Variants in CIT observed in about 807,000 individuals in gnomAD.
The protein encoded by CIT is citron Rho-interacting kinase.
CIT carries 79 observed loss-of-function variants against 272.7 expected under a neutral mutation model. That is an observed-to-expected ratio of 0.29 (90% CI 0.24 to 0.35). CIT has a LOEUF of 0.35. CIT is among the 10% of genes least tolerant of loss of function. The pLI is 1.00. For synonymous variants in CIT, 948 were observed against 995.6 expected (o/e 0.95, Z 0.90); for missense variants, 1,909 against 2,618.3 (o/e 0.73, Z 5.91).
chr12:119,874,382 C>T (rs1356853343), intron 2 of CIT, among the ~76,000 whole-genome samples: 2 of 152,102 alleles, frequency 1.3e-5, no homozygotes, highest in East Asian at 3.9e-4. Context: ...AGCAAATGGA[C>T]TCAGAAAAGG....
At chr12:119,849,366 G>T (rs913063463) in intron 5 of CIT, among the ~76,000 whole-genome samples, 1 of 151,946 alleles carries the variant, frequency 6.6e-6, no homozygotes, top group African/African-American at 2.4e-5. Flanking sequence ...GGTGGAGATT[G>T]CAGTGAGCCG....
At chr12:119,693,722 G>C (rs917246811) in intron 46 of CIT, among the ~76,000 whole-genome samples, 1 of 152,186 alleles carries the variant, frequency 6.6e-6, no homozygotes, top group African/African-American at 2.4e-5. Context: ...TGGTTTTTCA[G>C]CAAGTTCCTC....
chr12:119,868,806 G>A (rs1320217505), intron 3 of CIT, among the ~76,000 whole-genome samples: 2 of 152,226 alleles, frequency 1.3e-5, no homozygotes, highest in African/African-American at 4.8e-5. Flanking sequence ...CCAAAGGGCT[G>A]AGATTATAGG....
chr12:119,758,121 A>G (rs974432066), intron 21 of CIT, among the ~76,000 whole-genome samples: 1 of 152,152 alleles, frequency 6.6e-6, no homozygotes, highest in Non-Finnish European at 1.5e-5. Context: ...TAAGGGGGAA[A>G]AAAATCCTGG....
chr12:119,862,473 C>T (rs904840165), intron 3 of CIT, among the ~76,000 whole-genome samples: 164 of 151,978 alleles, frequency 1.1e-3, no homozygotes, highest in African/African-American at 3.9e-3. Flanking sequence ...GTGCCCCTCG[C>T]CCCTACAAAA....
At position 119,746,649 on chromosome 12, in the gene CIT, A is replaced by T. The variant is rs2137364546; in HGVS notation, c.2905-4185T>A. ...CTCTCCCACTGGAGTCTGAAATTTC[A>T]GTCATTAATACTGATCCATTTCCAT... On this transcript the variant is annotated intron_variant, in intron 23 of 47. Transcript: ENST00000392521. 1.3e-5 allele frequency among the ~76,000 whole-genome samples: 2 copies of T among 152,358 alleles called. 1 individual carries two copies. Among genetic ancestry groups the T allele is most frequent in the South Asian group, 4.1e-4 (2 of 4,830 alleles).
Position 119,861,775 on chromosome 12 carries a change from C to CA in CIT, c.239-4078dup, listed in dbSNP as rs1336077436. ...CCACAGAAATACTTGCACATGTGCT[C>CA]AAAAAAGATGCATACAAAGATGTGA... On this transcript the variant is annotated intron_variant, in intron 3 of 47. Coordinates refer to ENST00000392521, the MANE Select transcript of CIT (RefSeq NM_001206999.2). Among the ~76,000 whole-genome samples the CA allele has an allele frequency of 7.2e-5, 11 of 151,962 alleles. No homozygotes were observed. The East Asian group carries it at 2.1e-3, about 29-fold the overall frequency.
rs976533738 is a variant in CIT, at chr12:119,710,980, A to G, written c.4855-360T>C. The G allele has an allele frequency of 3.2e-6, 4 of 1,266,948 alleles. No homozygotes were observed. The highest frequency in any genetic ancestry group is 4.3e-6 in the Non-Finnish European group (4 of 932,102). 78.5% of individuals were successfully genotyped at this position (1,266,948 alleles called of 1,614,324 possible). ...AGACACATGAAAGACTCCTTCCCCCATAAGGCTGCAGCAGAAGTGCAAAGG... is the reference window on the plus strand; with the variant it reads ...AGACACATGAAAGACTCCTTCCCCCGTAAGGCTGCAGCAGAAGTGCAAAGG... On this transcript the variant is annotated intron_variant, in intron 37 of 47. Transcript: ENST00000392521. This position sits in a 1 kb window ranked among gnomAD's most constrained non-coding sequence, Gnocchi z 5.6.
At position 119,718,873 on chromosome 12, in the gene CIT, A is replaced by G. The variant is rs776368020; in HGVS notation, c.3841-12T>C. 1.9e-6 allele frequency: 3 copies of G among 1,613,738 alleles called. No homozygotes were observed. The South Asian group carries it at 3.3e-5, about 18-fold the overall frequency. ...CGACTAAATAAACCCTAGCAATGGA[A>G]ACAGAGATATCTCCTAACTCCTGGA... On this transcript the variant is annotated splice_polypyrimidine_tract_variant and intron_variant, in intron 30 of 47. Transcript: ENST00000392521. The surrounding 1 kb of genome is among the most constrained non-coding windows in gnomAD (Gnocchi z 4.8).
intron 40 of CIT, 55 bp from the exon 41 acceptor site, chr12:119,704,510 G>A: frequency 6.7e-7 from 1 of 1,498,026 alleles, no homozygotes; most frequent in South Asian, 1.1e-5. Flanking sequence ...ACCGGCTGTG[G>A]GGCAAAACTA....
chr12:119,690,388 T>C lies in CIT; in HGVS notation c.5949A>G (p.Pro1983=). 1 of 1,597,154 alleles carries C rather than the reference T, an allele frequency of 6.3e-7. No homozygotes were observed. Among genetic ancestry groups the C allele is most frequent in the Non-Finnish European group, 8.5e-7 (1 of 1,177,760 alleles). Residue 1983 remains proline (P), a synonymous_variant, in exon 47 of 48, where the codon CCA becomes CCG. Transcript: ENST00000392521. The surrounding 1 kb of genome is among the most constrained non-coding windows in gnomAD (Gnocchi z 6.0). ...EHITKRVASS[P]APPEGPSHPR... ...GGTGGCTGGGGCCTTCGGGCGGCGC[T>C]GGGCTGGAGGCCACGCGCTTGGTGA... is the stretch of plus-strand genomic sequence containing the variant.
intron 41 of CIT, among the ~76,000 whole-genome samples, chr12:119,702,699 G>GA (rs1246974026): frequency 6.6e-6 from 1 of 150,776 alleles, no homozygotes; most frequent in Non-Finnish European, 1.5e-5. Context: ...AAAAAAAAAA[G>GA]AAAGAAAAGA....
At chr12:119,855,321 G>A (rs930111086) in intron 4 of CIT, among the ~76,000 whole-genome samples, 36 of 152,104 alleles carry the variant, frequency 2.4e-4, no homozygotes, top group African/African-American at 7.7e-4. Context: ...TACTCGGGAG[G>A]CTGAGATAGG....
intron 10 of CIT, among the ~76,000 whole-genome samples, chr12:119,791,056 C>T (rs1406205981): frequency 3.9e-5 from 6 of 152,208 alleles, no homozygotes; most frequent in African/African-American, 1.4e-4. Flanking sequence ...TAAGGAGGGG[C>T]TTGCCCTATA....
Position 119,857,580 on chromosome 12 carries a change from G to A in CIT, c.357C>T (p.Thr119=), listed in dbSNP as rs529331889. 4.3e-5 allele frequency: 69 copies of A among 1,614,076 alleles called. 1 individual carries two copies. The highest frequency in any genetic ancestry group is 3.8e-4 in the South Asian group (35 of 91,078). ...AEVQVVREKA[T]GDIYAMKVMK... The stretch of plus-strand genomic sequence containing the variant: ...TCACTTTCATAGCATAGATGTCCCC[G>A]GTTGCTTTCTCTCTTACCACCTGCA... Residue 119 remains threonine (T), a synonymous_variant, in exon 4 of 48, where the codon ACC becomes ACT. Coordinates refer to ENST00000392521, the MANE Select transcript of CIT (RefSeq NM_001206999.2).
At chr12:119,814,537 T>C (rs1330401402) in intron 9 of CIT, among the ~76,000 whole-genome samples, 2 of 152,100 alleles carry the variant, frequency 1.3e-5, no homozygotes, top group Admixed American at 1.3e-4. Flanking sequence ...ACCCAACTCC[T>C]CTTCCTCACT....
rs538631624 is a variant in CIT, at chr12:119,785,122, T to C, written c.1296-57A>G. ...CTGCAGGTGGGCCTAAGAAGCTGCA[T>C]TAGGAAGCTGCAACATTTGTTTCAT... On this transcript the variant is annotated intron_variant, in intron 10 of 47. Transcript: ENST00000392521. The C allele has an allele frequency of 3.2e-6, 5 of 1,551,132 alleles. No individual in the cohort carries two copies. The African/African-American group carries it at 6.9e-5, about 21-fold the overall frequency.
Position 119,724,753 on chromosome 12 carries a change from C to T in CIT, c.3592-3304G>A, listed in dbSNP as rs372818887. Among the ~76,000 whole-genome samples, 38 of 151,938 alleles carry T rather than the reference C, an allele frequency of 2.5e-4. No individual in the cohort carries two copies. In the East Asian group the frequency reaches 5.6e-3, roughly 23 times the overall value. ...AAGAGATCGAGACCATCCTGGCCAA[C>T]GTGGTGAAACCCTGTCTCTACTAAA... is the stretch of plus-strand genomic sequence containing the variant. On this transcript the variant is annotated intron_variant, in intron 28 of 47. Coordinates refer to ENST00000392521, the MANE Select transcript of CIT (RefSeq NM_001206999.2).
At chr12:119,795,151 G>A (rs1037492352) in intron 10 of CIT, among the ~76,000 whole-genome samples, 2 of 152,342 alleles carry the variant, frequency 1.3e-5, no homozygotes, top group South Asian at 4.1e-4. Context: ...GGAGGCCGAG[G>A]CTGGCAGATC....
Sources: gnomAD v4.1 joint callset for allele counts (sites outside exome capture counted in the v4.1 genomes callset) on GRCh38, gnomAD v4.1.1 for gene constraint, Gnocchi (gnomAD v3.1) non-coding constraint, MANE v1.5 for transcripts, NCBI Gene and HGNC (gene_info 2026-07-23, HGNC 2026-07-21) for gene names.